FAM135A: variants seen among roughly 807,000 people sequenced by gnomAD.
FAM135A encodes protein FAM135A.
In FAM135A, 79 loss-of-function variants were observed where a neutral mutation model predicts 146.8. The observed-to-expected ratio is 0.54, with a 90% CI of 0.45 to 0.65. FAM135A has a LOEUF of 0.65. Among genes scored for constraint, FAM135A ranks in the 30% least tolerant of loss-of-function variants. The pLI is 0.00. For missense variants in FAM135A, 1,623 were observed against 1,758.2 expected (o/e 0.92, Z 1.38); for synonymous variants, 562 against 603.6 (o/e 0.93, Z 1.01).
chr6:70,448,853 T>C (rs1776404522), intron 4 of FAM135A, among the ~76,000 whole-genome samples: 1 of 152,260 alleles, frequency 6.6e-6, no homozygotes, highest in South Asian at 2.1e-4. Flanking sequence ...GCTCATGCTA[T>C]TGTTTGTGGT....
intron 19 of FAM135A, among the ~76,000 whole-genome samples, chr6:70,537,716 G>C (rs866787387): frequency 2.0e-5 from 3 of 152,116 alleles, no homozygotes; most frequent in Admixed American, 6.5e-5. Context: ...CAACTTGAGT[G>C]ATTGAAATTT....
intron 11 of FAM135A, among the ~76,000 whole-genome samples, chr6:70,493,202 GA>G (rs1562515938): frequency 6.6e-6 from 1 of 151,728 alleles, no homozygotes; most frequent in African/African-American, 2.4e-5. Flanking sequence ...AAAAAATAAA[GA>G]AAAATATGAA....
intron 11 of FAM135A, among the ~76,000 whole-genome samples, chr6:70,491,301 A>G (rs1336238792): frequency 6.6e-6 from 1 of 152,032 alleles, no homozygotes; most frequent in Non-Finnish European, 1.5e-5. Context: ...TTCTTCATAT[A>G]AATGAAATAG....
At chr6:70,472,917 A>G (rs1339612359) in intron 5 of FAM135A, among the ~76,000 whole-genome samples, 1 of 152,160 alleles carries the variant, frequency 6.6e-6, no homozygotes, top group Non-Finnish European at 1.5e-5. Context: ...CCAATTCCTA[A>G]TAATGTTAAC....
intron 5 of FAM135A, among the ~76,000 whole-genome samples, chr6:70,456,159 T>C (rs1183659164): frequency 6.6e-6 from 1 of 152,230 alleles, no homozygotes; most frequent in Non-Finnish European, 1.5e-5. Flanking sequence ...TGTATAATTC[T>C]CAGCAAATGA....
chr6:70,506,541 G>A (rs934538350), intron 12 of FAM135A, among the ~76,000 whole-genome samples: 12 of 152,002 alleles, frequency 7.9e-5, no homozygotes, highest in Admixed American at 7.9e-4. Context: ...GCCAGATTTG[G>A]TTCTCAGGCT....
chr6:70,534,087 G>A (rs188292024), intron 18 of FAM135A, among the ~76,000 whole-genome samples: 135 of 152,056 alleles, frequency 8.9e-4, no homozygotes, highest in Middle Eastern at 3.4e-3. Flanking sequence ...GGGAAGATGG[G>A]GGATGGTGGG....
chr6:70,494,028 T>G lies in FAM135A; in HGVS notation c.873+2945T>G, dbSNP rs973738559. On this transcript the variant is annotated intron_variant, in intron 11 of 21. Transcript: ENST00000418814. ...AAGGTCACGCCATTGCACTCCAGCCTGGGCGACAGAGTGAGACTCTGTCTC... is the reference window on the plus strand; with the variant it reads ...AAGGTCACGCCATTGCACTCCAGCCGGGGCGACAGAGTGAGACTCTGTCTC... Among the ~76,000 whole-genome samples, 5 of 128,288 alleles carry G rather than the reference T, an allele frequency of 3.9e-5. No homozygotes were observed. The East Asian group carries it at 8.9e-4, about 23-fold the overall frequency. 84.2% of individuals were successfully genotyped at this position (128,288 alleles called of 152,430 possible).
chr6:70,462,080 A>G (rs529845368), intron 5 of FAM135A, among the ~76,000 whole-genome samples: 2 of 152,330 alleles, frequency 1.3e-5, no homozygotes, highest in African/African-American at 4.8e-5. Flanking sequence ...AAACAGTCTA[A>G]GAAAAAGCCA....
At position 70,533,753 on chromosome 6, in the gene FAM135A, T is replaced by C; in HGVS notation, c.3868-4T>C. ...ATAATGTATGTGCTTTGCTTTCTTT[T>C]TAGAATGATACTTTTGCTGATTTTG... is the stretch of plus-strand genomic sequence containing the variant. On this transcript the variant is annotated splice_polypyrimidine_tract_variant and splice_region_variant and intron_variant, in intron 17 of 21. Coordinates refer to ENST00000418814, the MANE Select transcript of FAM135A (RefSeq NM_001162529.3). The C allele has an allele frequency of 6.4e-7, 1 of 1,555,526 alleles. No individual in the cohort carries two copies. The highest frequency in any genetic ancestry group is 8.7e-7 in the Non-Finnish European group (1 of 1,146,030).
intron 2 of FAM135A, among the ~76,000 whole-genome samples, chr6:70,423,372 A>G (rs1239521609): frequency 6.6e-6 from 1 of 152,226 alleles, no homozygotes; most frequent in African/African-American, 2.4e-5. Context: ...GTTAGGGTAT[A>G]GAGTAGGTAT....
intron 11 of FAM135A, among the ~76,000 whole-genome samples, chr6:70,493,827 C>T (rs941919067): frequency 5.3e-5 from 8 of 152,012 alleles, no homozygotes; most frequent in African/African-American, 1.4e-4. Context: ...CCGAAGCGGG[C>T]GGATCACCTG....
intron 10 of FAM135A, among the ~76,000 whole-genome samples, chr6:70,487,166 ATGTT>A (rs752055525): frequency 2.2e-4 from 32 of 146,518 alleles, no homozygotes; most frequent in Non-Finnish European, 3.9e-4. Flanking sequence ...GTTGTGTTGT[ATGTT>A]TGTTTGTTTG....
intron 3 of FAM135A, 102 bp from the exon 4 acceptor site, chr6:70,428,202 C>T: frequency 1.9e-6 from 1 of 529,982 alleles, no homozygotes; most frequent in South Asian, 3.4e-5. Flanking sequence ...TTTTTATTTT[C>T]TGCCTATGTG....
chr6:70,519,338 T>TAGACTCTACTCCTGGTGAAGATGCTGG (rs1793024121), intron 12 of FAM135A, among the ~76,000 whole-genome samples: 3 of 152,220 alleles, frequency 2.0e-5, no homozygotes, highest in African/African-American at 7.2e-5. Flanking sequence ...TTTCTTGAGA[T>TAGACTCTACTCCTGGTGAAGATGCTGG]AGACTCTACT....
At chr6:70,559,657 T>C (rs1343666819) in intron 21 of FAM135A, 59 bp from the exon 22 acceptor site, 1 of 1,388,278 alleles carries the variant, frequency 7.2e-7, no homozygotes. Flanking sequence ...ATTGGCATAG[T>C]TTTTTTATTT....
chr6:70,517,616 AC>A (rs1455567349), intron 12 of FAM135A, among the ~76,000 whole-genome samples: 7 of 151,760 alleles, frequency 4.6e-5, no homozygotes, highest in African/African-American at 1.7e-4. Flanking sequence ...ACAGGGTTTC[AC>A]CGTGTTGGTT....
chr6:70,475,602 A>G (rs1782474222), intron 6 of FAM135A, 53 bp downstream of exon 6: 2 of 1,583,252 alleles, frequency 1.3e-6, no homozygotes, highest in African/African-American at 1.4e-5. Context: ...ATGCCTCAAG[A>G]TGTTATTTCT....
At position 70,445,845 on chromosome 6, in the gene FAM135A, G is replaced by A. The variant is rs959959256; in HGVS notation, c.78-6647G>A. On this transcript the variant is annotated intron_variant, in intron 4 of 21. Coordinates refer to ENST00000418814, the MANE Select transcript of FAM135A (RefSeq NM_001162529.3). ...TGGGGCCAGTTTAATGGCCAGATTCGGGGCGGGGGGGGCTGTTCCCAACAT... is the reference window on the plus strand; with the variant it reads ...TGGGGCCAGTTTAATGGCCAGATTCAGGGCGGGGGGGGCTGTTCCCAACAT... 5.9e-5 allele frequency among the ~76,000 whole-genome samples: 9 copies of A among 151,956 alleles called. No individual in the cohort carries two copies. In the East Asian group the frequency reaches 1.6e-3, roughly 26 times the overall value.
Sources: gnomAD v4.1 joint callset for allele counts (sites outside exome capture counted in the v4.1 genomes callset) on GRCh38, gnomAD v4.1.1 for gene constraint, MANE v1.5 for transcripts, NCBI Gene and HGNC (gene_info 2026-07-23, HGNC 2026-07-21) for gene names.